SLC22A3: variants seen among roughly 807,000 people sequenced by gnomAD.
SLC22A3 encodes the protein EMT organic cation transporter 3.
In SLC22A3, 51 loss-of-function variants were observed where a neutral mutation model predicts 59.1. The observed-to-expected ratio is 0.86, with a 90% CI of 0.69 to 1.09. The LOEUF (loss-of-function observed/expected upper bound fraction) is 1.09, where lower values mean the gene tolerates loss of function less well. SLC22A3 is among the 50% of genes least tolerant of loss of function. The pLI, the probability that SLC22A3 is intolerant of heterozygous loss-of-function variation, is 0.00. For missense variants in SLC22A3, 711 were observed against 726.3 expected (o/e 0.98, Z 0.24); for synonymous variants, 325 against 292.0 (o/e 1.11, Z -1.15).
chr6:160,410,876 T>C, intron 5 of SLC22A3, 30 bp downstream of exon 5: 2 of 1,331,150 alleles, frequency 1.5e-6, no homozygotes, highest in South Asian at 1.2e-5. Context: ...GTAACAAATA[T>C]TGCTAAAGCT....
At position 160,354,230 on chromosome 6, in the gene SLC22A3, C is replaced by T. The variant is rs140059821; in HGVS notation, c.429+5382C>T. On this transcript the variant is annotated intron_variant, in intron 1 of 10. Coordinates refer to ENST00000275300, the MANE Select transcript of SLC22A3 (RefSeq NM_021977.4). ...TCCTTTGGTGTCAGATAAATCTTGT[C>T]CTAAATCCCAGCTCCTCTATTAACT... Among the ~76,000 whole-genome samples, 1,065 of 152,292 alleles carry T rather than the reference C, an allele frequency of 7.0e-3. 20 individuals are homozygous for T. Among genetic ancestry groups the T allele is most frequent in the African/African-American group, 0.025 (1,028 of 41,544 alleles).
At chr6:160,368,924 T>A (rs1785301011) in intron 1 of SLC22A3, among the ~76,000 whole-genome samples, 7 of 152,172 alleles carry the variant, frequency 4.6e-5, no homozygotes. Context: ...GCCAAACACA[T>A]TTAACAGATG....
chr6:160,396,769 A>G (rs2457013), intron 1 of SLC22A3, among the ~76,000 whole-genome samples: 127,785 of 151,958 alleles, frequency 0.84, 54,303 homozygotes, highest in East Asian at 1. Flanking sequence ...ATCAATTATG[A>G]TCTAAAGATA....
At chr6:160,369,313 T>C (rs2114769762) in intron 1 of SLC22A3, among the ~76,000 whole-genome samples, 1 of 152,380 alleles carries the variant, frequency 6.6e-6, no homozygotes, top group Non-Finnish European at 1.5e-5. Flanking sequence ...ATAATGCTGC[T>C]GTAGCATGCT....
chr6:160,431,739 A>G (rs543613564), intron 5 of SLC22A3, among the ~76,000 whole-genome samples: 2 of 152,346 alleles, frequency 1.3e-5, no homozygotes, highest in East Asian at 3.9e-4. Flanking sequence ...ATTTGCTAAA[A>G]AAAAATTGCC....
At chr6:160,363,041 G>C (rs562847202) in intron 1 of SLC22A3, among the ~76,000 whole-genome samples, 2 of 152,316 alleles carry the variant, frequency 1.3e-5, no homozygotes, top group South Asian at 4.1e-4. Context: ...GGGCTCCCGG[G>C]GACTCGGGCA....
At chr6:160,349,178 T>G (rs1460195847) in intron 1 of SLC22A3, 1 of 660,638 alleles carries the variant, frequency 1.5e-6, no homozygotes, top group Non-Finnish European at 1.9e-6. Flanking sequence ...GCGTTCCTTA[T>G]CTTTGAGGTG....
At chr6:160,401,308 G>T (rs867721728) in intron 2 of SLC22A3, among the ~76,000 whole-genome samples, 1 of 151,936 alleles carries the variant, frequency 6.6e-6, no homozygotes, top group Non-Finnish European at 1.5e-5. Context: ...AAAGAAGAGT[G>T]GGGGGATAAT....
intron 2 of SLC22A3, among the ~76,000 whole-genome samples, chr6:160,402,690 C>A (rs1786833398): frequency 6.6e-6 from 1 of 151,686 alleles, no homozygotes; most frequent in African/African-American, 2.4e-5. Flanking sequence ...AAAAATTATA[C>A]AATCTCTGCT....
chr6:160,429,652 C>G (rs1008362075), intron 5 of SLC22A3, among the ~76,000 whole-genome samples: 1 of 152,172 alleles, frequency 6.6e-6, no homozygotes, highest in African/African-American at 2.4e-5. Context: ...GCTTGTTCAG[C>G]AGGCTCCCAG....
chr6:160,450,039 A>G (rs1788891559), intron 10 of SLC22A3, among the ~76,000 whole-genome samples: 1 of 152,210 alleles, frequency 6.6e-6, no homozygotes, highest in African/African-American at 2.4e-5. Flanking sequence ...TCAGCGGTGC[A>G]TGTATTGTCT....
chr6:160,433,849 C>T (rs1448087503), intron 5 of SLC22A3, among the ~76,000 whole-genome samples: 2 of 152,110 alleles, frequency 1.3e-5, no homozygotes, highest in East Asian at 3.8e-4. Context: ...TTTGTTCACA[C>T]TCATAGCTAG....
At chr6:160,367,408 A>C (rs1295615604) in intron 1 of SLC22A3, among the ~76,000 whole-genome samples, 1 of 152,150 alleles carries the variant, frequency 6.6e-6, no homozygotes, top group Non-Finnish European at 1.5e-5. Flanking sequence ...TCAAGATGAG[A>C]TTTGGGTGGA....
At chr6:160,397,794 G>A (rs543898318) in intron 1 of SLC22A3, among the ~76,000 whole-genome samples, 185 bp from the exon 2 acceptor site, 1 of 151,218 alleles carries the variant, frequency 6.6e-6, no homozygotes, top group Non-Finnish European at 1.5e-5. Flanking sequence ...TACATCCTTT[G>A]CAGTTATTTA....
intron 1 of SLC22A3, 30 bp downstream of exon 1, chr6:160,348,878 G>A (rs1414729393): frequency 4.5e-6 from 7 of 1,550,990 alleles, no homozygotes; most frequent in African/African-American, 2.7e-5. Flanking sequence ...TTGGAAGCCG[G>A]CGGGAGAGGA....
At chr6:160,419,096 T>A (rs1371525829) in intron 5 of SLC22A3, among the ~76,000 whole-genome samples, 1 of 152,182 alleles carries the variant, frequency 6.6e-6, no homozygotes, top group African/African-American at 2.4e-5. Context: ...ATCATCAATA[T>A]AAATGATACC....
chr6:160,413,419 G>T (rs1351809729), intron 5 of SLC22A3, among the ~76,000 whole-genome samples: 4 of 152,152 alleles, frequency 2.6e-5, no homozygotes, highest in African/African-American at 9.7e-5. Flanking sequence ...AAAAATAGTT[G>T]AATGAATCTC....
intron 1 of SLC22A3, among the ~76,000 whole-genome samples, chr6:160,374,429 CA>C (rs145572209): frequency 0.013 from 1,908 of 152,278 alleles, 49 homozygotes; most frequent in African/African-American, 0.043. Flanking sequence ...CCGGGAGCTG[CA>C]GACCAGAGCT....
At chr6:160,432,226 C>G (rs1423922074) in intron 5 of SLC22A3, among the ~76,000 whole-genome samples, 1 of 152,108 alleles carries the variant, frequency 6.6e-6, no homozygotes, top group Non-Finnish European at 1.5e-5. Flanking sequence ...ATGGAGGATA[C>G]GATTTCCCTA....
Sources: allele counts gnomAD v4.1 joint callset (sites outside exome capture counted in the v4.1 genomes callset), GRCh38; gene constraint gnomAD v4.1.1; transcripts MANE v1.5; gene names NCBI Gene and HGNC (gene_info 2026-07-23, HGNC 2026-07-21).